The following CACUL1 variants were observed in gnomAD, a reference collection of about 807,000 sequenced individuals.
CACUL1 encodes CDK2-associated and cullin domain-containing protein 1.
A neutral mutation model predicts 45.2 loss-of-function variants in CACUL1; 13 were observed. The observed-to-expected ratio is 0.29, with a 90% CI of 0.19 to 0.46. The LOEUF (loss-of-function observed/expected upper bound fraction) is 0.46, where lower values mean the gene tolerates loss of function less well. CACUL1 is among the 20% of genes least tolerant of loss of function. The pLI is 1.00. For synonymous variants in CACUL1, 197 were observed against 174.2 expected (o/e 1.13, Z -1.03); for missense variants, 421 against 471.4 (o/e 0.89, Z 0.99).
chr10:118,696,622 AAC>A (rs1845326055), intron 5 of CACUL1, among the ~76,000 whole-genome samples: 1 of 152,256 alleles, frequency 6.6e-6, no homozygotes, highest in African/African-American at 2.4e-5. Context: ...CAGCTTGGGT[AAC>A]ACAGCGAGAC....
At chr10:118,734,500 G>A (rs1327026967) in intron 1 of CACUL1, among the ~76,000 whole-genome samples, 1 of 152,152 alleles carries the variant, frequency 6.6e-6, no homozygotes, top group Non-Finnish European at 1.5e-5. Context: ...ACTTCATCTA[G>A]GTTAGATTTT....
chr10:118,699,154 C>T (rs772822057), intron 5 of CACUL1, among the ~76,000 whole-genome samples: 3 of 152,168 alleles, frequency 2.0e-5, no homozygotes, highest in Non-Finnish European at 4.4e-5. Flanking sequence ...GATGATCACC[C>T]ACATAATACA....
chr10:118,742,708 C>T (rs1845803639), intron 1 of CACUL1, among the ~76,000 whole-genome samples: 1 of 152,136 alleles, frequency 6.6e-6, no homozygotes, highest in African/African-American at 2.4e-5. Context: ...CATGATATTA[C>T]CTGAAACCTC....
intron 5 of CACUL1, among the ~76,000 whole-genome samples, chr10:118,699,173 T>C (rs1020491539): frequency 1.3e-5 from 2 of 152,220 alleles, no homozygotes; most frequent in African/African-American, 2.4e-5. Flanking sequence ...CAGTTAAACA[T>C]TGTCCCTTGT....
intron 2 of CACUL1, among the ~76,000 whole-genome samples, chr10:118,729,736 G>A (rs1022546054): frequency 3.9e-5 from 6 of 152,166 alleles, no homozygotes; most frequent in African/African-American, 1.4e-4. Context: ...GTCAAAATAA[G>A]GAAGAGAGAG....
In CACUL1 at chr10:118,754,954, G is replaced by A; in HGVS notation, c.-192C>T. The stretch of plus-strand genomic sequence containing the variant: ...GCTTGAAGACGCGGCTGACGGCGGT[G>A]GGCGCTCCGGGGCTCTAGTCTGGGA... On this transcript the variant is annotated 5_prime_UTR_variant, in exon 1 of 9. Transcript: ENST00000369151. 1 of 629,570 alleles carries A rather than the reference G, an allele frequency of 1.6e-6. No individual in the cohort carries two copies. The highest frequency in any genetic ancestry group is 2.5e-6 in the Non-Finnish European group (1 of 398,588). 39.0% of individuals were successfully genotyped at this position (629,570 alleles called of 1,614,324 possible). A position where few individuals can be genotyped will look rare whatever the true frequency, so the allele number is the denominator to read the frequency against.
At chr10:118,688,814 T>C (rs757413838) in intron 7 of CACUL1, among the ~76,000 whole-genome samples, 2 of 152,236 alleles carry the variant, frequency 1.3e-5, no homozygotes, top group Non-Finnish European at 2.9e-5. Flanking sequence ...TACCCTATAT[T>C]TCCATGCACC....
In CACUL1 at chr10:118,749,322, ATGGCTTGGATTTCTGG is replaced by A. The variant is rs549965524; in HGVS notation, c.367+5058_367+5073del. ...CAGCAGGGCCAGAGTGATCAGCAGA[ATGGCTTGGATTTCTGG>A]TGGCTTGGATTTCTGGTGGCTTGGA... is the stretch of plus-strand genomic sequence containing the variant. On this transcript the variant is annotated intron_variant, in intron 1 of 8. Transcript: ENST00000369151. Among the ~76,000 whole-genome samples the A allele has an allele frequency of 2.3e-3, 349 of 152,310 alleles. 3 individuals carry two copies. Among genetic ancestry groups the A allele is most frequent in the African/African-American group, 7.3e-3 (304 of 41,560 alleles).
chr10:118,692,674 G>A (rs1366167587), intron 6 of CACUL1: 2 of 151,992 alleles, frequency 1.3e-5, no homozygotes, highest in Admixed American at 1.3e-4. Context: ...AAAACATTTT[G>A]GCTACACATG....
chr10:118,752,046 C>T (rs1178081765), intron 1 of CACUL1, among the ~76,000 whole-genome samples: 2 of 152,140 alleles, frequency 1.3e-5, no homozygotes, highest in Non-Finnish European at 2.9e-5. Context: ...TCCTGCTAAA[C>T]TCTTACTAGT....
At chr10:118,742,073 A>T (rs1186175556) in intron 1 of CACUL1, among the ~76,000 whole-genome samples, 1 of 152,224 alleles carries the variant, frequency 6.6e-6, no homozygotes, top group African/African-American at 2.4e-5. Flanking sequence ...ATAATGTATC[A>T]TAATTACCTT....
intron 1 of CACUL1, among the ~76,000 whole-genome samples, chr10:118,734,274 C>T (rs772878370): frequency 2.0e-5 from 3 of 152,134 alleles, no homozygotes; most frequent in East Asian, 1.9e-4. Flanking sequence ...CAGTATATTG[C>T]GGCTGTGCCA....
At chr10:118,747,566 T>A (rs1245891837) in intron 1 of CACUL1, among the ~76,000 whole-genome samples, 32 of 116,912 alleles carry the variant, frequency 2.7e-4, no homozygotes, top group East Asian at 4.9e-4. Context: ...TACTTTGGGA[T>A]ATCCAAAAAA....
intron 3 of CACUL1, among the ~76,000 whole-genome samples, chr10:118,727,413 A>AAAC (rs1845662031): frequency 6.6e-6 from 1 of 151,328 alleles, no homozygotes; most frequent in African/African-American, 2.4e-5. Context: ...TAAAAAAAAA[A>AAAC]AAAACACTAA....
chr10:118,735,884 A>T lies in CACUL1; in HGVS notation c.368-5474T>A, dbSNP rs573377506. ...TAAATTATGAATGACTTTTTAATTA[A>T]TTGCAACTAGATAATCAGAACAGAC... is the stretch of plus-strand genomic sequence containing the variant. On this transcript the variant is annotated intron_variant, in intron 1 of 8. Coordinates refer to ENST00000369151, the MANE Select transcript of CACUL1 (RefSeq NM_153810.5). 3.3e-5 allele frequency among the ~76,000 whole-genome samples: 5 copies of T among 152,266 alleles called. No homozygotes were observed. The South Asian group carries it at 1.0e-3, about 32-fold the overall frequency.
chr10:118,690,583 G>A lies in CACUL1; in HGVS notation c.1025+682C>T, dbSNP rs145212205. The stretch of plus-strand genomic sequence containing the variant: ...AACCACTAGAATTTAGGGCAAAAGG[G>A]GAAGTATGAAATACAGAATTTAAAG... On this transcript the variant is annotated intron_variant, in intron 7 of 8. Coordinates refer to ENST00000369151, the MANE Select transcript of CACUL1 (RefSeq NM_153810.5). Among the ~76,000 whole-genome samples the A allele has an allele frequency of 4.0e-3, 616 of 152,250 alleles. 7 individuals carry two copies. Among genetic ancestry groups the A allele is most frequent in the African/African-American group, 0.014 (595 of 41,542 alleles).
chr10:118,735,909 C>T (rs1009473880), intron 1 of CACUL1, among the ~76,000 whole-genome samples: 2 of 151,836 alleles, frequency 1.3e-5, no homozygotes, highest in African/African-American at 2.4e-5. Context: ...TCAGAACAGA[C>T]AAGGAGAAAA....
At chr10:118,732,416 G>A (rs779281646) in intron 1 of CACUL1, among the ~76,000 whole-genome samples, 2 of 152,202 alleles carry the variant, frequency 1.3e-5, no homozygotes, top group Non-Finnish European at 2.9e-5. Context: ...AGCGGGCATA[G>A]CAGATACTGT....
At chr10:118,750,065 G>A (rs540073576) in intron 1 of CACUL1, among the ~76,000 whole-genome samples, 72 of 152,202 alleles carry the variant, frequency 4.7e-4, no homozygotes, top group African/African-American at 1.7e-3. Flanking sequence ...GGTGGCTCAC[G>A]CCTGTAATCC....
Sources: allele counts gnomAD v4.1 joint callset (sites outside exome capture counted in the v4.1 genomes callset), GRCh38; gene constraint gnomAD v4.1.1; transcripts MANE v1.5; gene names NCBI Gene and HGNC (gene_info 2026-07-23, HGNC 2026-07-21).